RASSF3: variants seen among roughly 807,000 people sequenced by gnomAD.
The protein encoded by RASSF3 is ras association domain-containing protein 3.
RASSF3 carries 19 observed loss-of-function variants against 19.9 expected under a neutral mutation model. That is an observed-to-expected ratio of 0.96 (90% CI 0.67 to 1.40). The LOEUF is 1.40. RASSF3 is among the 40% of genes most tolerant of loss of function. The pLI is 0.00. For missense variants in RASSF3, 306 were observed against 289.8 expected, an observed-to-expected ratio of 1.06 and a Z score of -0.41; for synonymous variants, 110 against 104.2, an observed-to-expected ratio of 1.06 and a Z score of -0.34.
intron 2 of RASSF3, among the ~76,000 whole-genome samples, chr12:64,589,574 A>G (rs1869880287): frequency 6.6e-6 from 1 of 152,268 alleles, no homozygotes; most frequent in African/African-American, 2.4e-5. Flanking sequence ...CATAATTTTA[A>G]AGCACTTAGC....
chr12:64,509,468 G>T (rs1334266695), intron 1 of RASSF3, among the ~76,000 whole-genome samples: 1 of 151,912 alleles, frequency 6.6e-6, no homozygotes, highest in Non-Finnish European at 1.5e-5. Context: ...AAAATAAGAT[G>T]AGCAAACTGC....
At chr12:64,670,850 A>G (rs1023369624) in intron 1 of RASSF3, among the ~76,000 whole-genome samples, 7 of 151,904 alleles carry the variant, frequency 4.6e-5, no homozygotes, top group African/African-American at 1.7e-4. Flanking sequence ...CCTTTCTTTC[A>G]CTTGCTTGGC....
intron 1 of RASSF3, among the ~76,000 whole-genome samples, chr12:64,655,428 C>G (rs772311350): frequency 6.6e-6 from 1 of 152,052 alleles, no homozygotes; most frequent in Non-Finnish European, 1.5e-5. Flanking sequence ...CCCTGATGTC[C>G]TAAAGGAGAG....
At chr12:64,527,643 T>C (rs1868616215) in intron 1 of RASSF3, among the ~76,000 whole-genome samples, 1 of 152,240 alleles carries the variant, frequency 6.6e-6, no homozygotes, top group Non-Finnish European at 1.5e-5. Flanking sequence ...ACATTAAAAT[T>C]GATACCAGCA....
chr12:64,631,205 T>C (rs1871155488), intron 1 of RASSF3, among the ~76,000 whole-genome samples: 1 of 151,980 alleles, frequency 6.6e-6, no homozygotes, highest in Admixed American at 6.6e-5. Flanking sequence ...TCAGAGAAGC[T>C]GGAGAAAAAG....
intron 1 of RASSF3, among the ~76,000 whole-genome samples, chr12:64,534,306 C>T (rs899355753): frequency 1.3e-5 from 2 of 151,816 alleles, no homozygotes; most frequent in Non-Finnish European, 2.9e-5. Flanking sequence ...TAGGGAGACC[C>T]CATTTCTACA....
chr12:64,634,947 TTTTTC>T lies in RASSF3; in HGVS notation c.111+24224_111+24228del, dbSNP rs551686050. Among the ~76,000 whole-genome samples, 74 of 147,248 alleles carry T rather than the reference TTTTTC, an allele frequency of 5.0e-4. 2 individuals carry two copies. The highest frequency in any genetic ancestry group is 3.4e-3 in the Admixed American group (50 of 14,520). On this transcript the variant is annotated intron_variant, in intron 1 of 4. Coordinates refer to ENST00000542104, the MANE Select transcript of RASSF3 (RefSeq NM_178169.4). The stretch of plus-strand genomic sequence containing the variant: ...TTTCAAATCCATGCATAGTTTCTTC[TTTTTC>T]TTTTCTTTTCTTTTCTTTTTTTTTT...
intron 1 of RASSF3, among the ~76,000 whole-genome samples, chr12:64,508,205 G>A (rs1487718745): frequency 6.6e-6 from 1 of 152,082 alleles, no homozygotes; most frequent in East Asian, 1.9e-4. Context: ...ATTATCCAGT[G>A]CCAGATCCTC....
At chr12:64,517,284 C>A (rs537168498) in intron 1 of RASSF3, among the ~76,000 whole-genome samples, 1 of 142,536 alleles carries the variant, frequency 7.0e-6, no homozygotes, top group African/African-American at 2.6e-5. Flanking sequence ...TGAAAGGATT[C>A]AATATTGTAT....
chr12:64,643,127 A>C (rs745827995), intron 1 of RASSF3, among the ~76,000 whole-genome samples: 5 of 151,764 alleles, frequency 3.3e-5, no homozygotes, highest in Non-Finnish European at 7.4e-5. Context: ...CACCCTCCCA[A>C]AGTGCTGGGA....
At chr12:64,632,876 A>C (rs1367180704) in intron 1 of RASSF3, among the ~76,000 whole-genome samples, 3 of 152,180 alleles carry the variant, frequency 2.0e-5, no homozygotes, top group African/African-American at 7.2e-5. Context: ...CTTGATGTGG[A>C]TATGGACTGG....
At chr12:64,567,472 C>T (rs1356245057) in intron 2 of RASSF3, among the ~76,000 whole-genome samples, 1 of 152,140 alleles carries the variant, frequency 6.6e-6, no homozygotes, top group African/African-American at 2.4e-5. Context: ...TGCTGCTGGC[C>T]ACTCTCAGCC....
intron 1 of RASSF3, among the ~76,000 whole-genome samples, chr12:64,641,420 G>A (rs558464701): frequency 1.2e-4 from 6 of 51,336 alleles, no homozygotes; most frequent in African/African-American, 5.1e-4. Flanking sequence ...ACACACGCGC[G>A]CGCGCGCGTT....
At chr12:64,650,393 GTTTCTTTTTTTTTCCTTTTTT>G (rs1871900113) in intron 1 of RASSF3, among the ~76,000 whole-genome samples, 1 of 125,334 alleles carries the variant, frequency 8.0e-6, no homozygotes, top group African/African-American at 3.0e-5. Flanking sequence ...GCCAGGAGGT[GTTTCTTTTTTTTTCCTTTTTT>G]TTTTTTTTTT....
chr12:64,630,346 C>T (rs560693051), intron 1 of RASSF3, among the ~76,000 whole-genome samples: 15 of 151,908 alleles, frequency 9.9e-5, no homozygotes, highest in East Asian at 7.7e-4. Flanking sequence ...GGCAACAGAG[C>T]GAGACATTGT....
chr12:64,532,066 G>T (rs934117861), upstream of RASSF3, among the ~76,000 whole-genome samples: 6 of 152,206 alleles, frequency 3.9e-5, no homozygotes, highest in African/African-American at 1.4e-4. Flanking sequence ...ATCAGGGAGA[G>T]AAAAGGACAG....
intron 1 of RASSF3, chr12:64,630,031 G>A (rs1453836887): frequency 6.6e-6 from 1 of 150,750 alleles, no homozygotes; most frequent in African/African-American, 2.4e-5. Context: ...CTAAAAGGTT[G>A]TTTGCATTTT....
intron 1 of RASSF3, among the ~76,000 whole-genome samples, chr12:64,508,325 G>A (rs1403047803): frequency 1.3e-5 from 2 of 149,602 alleles, no homozygotes; most frequent in African/African-American, 2.5e-5. Context: ...GACCAGCCTG[G>A]CCAACATGGT....
At chr12:64,562,540 T>C (rs1268563380) in intron 2 of RASSF3, among the ~76,000 whole-genome samples, 1 of 152,198 alleles carries the variant, frequency 6.6e-6, no homozygotes, top group East Asian at 1.9e-4. Flanking sequence ...CTTTCTCTTC[T>C]AAATAAATGA....
Sources: allele counts gnomAD v4.1 joint callset (sites outside exome capture counted in the v4.1 genomes callset), GRCh38; gene constraint gnomAD v4.1.1; transcripts MANE v1.5; gene names NCBI Gene and HGNC (gene_info 2026-07-23, HGNC 2026-07-21).